Variants in TRIM33 observed in about 807,000 individuals in gnomAD.
TRIM33 encodes the protein E3 ubiquitin-protein ligase TRIM33.
A neutral mutation model predicts 125.4 loss-of-function variants in TRIM33; 20 were observed. That is an observed-to-expected ratio of 0.16 (90% CI 0.11 to 0.23). TRIM33 has a LOEUF of 0.23. Ranked by LOEUF, TRIM33 falls within the 10% of genes least tolerant of loss-of-function variation. The pLI is 1.00. For missense variants in TRIM33, 920 were observed against 1,411.4 expected (o/e 0.65, Z 5.58); for synonymous variants, 564 against 513.9 (o/e 1.10, Z -1.32).
intron 2 of TRIM33, among the ~76,000 whole-genome samples, chr1:114,464,041 C>T (rs1017512245): frequency 2.6e-5 from 4 of 152,098 alleles, no homozygotes; most frequent in African/African-American, 9.7e-5. Context: ...AGTGCTGCGA[C>T]AACAGGCGTG....
At chr1:114,498,757 C>A (rs1050277316) in intron 1 of TRIM33, among the ~76,000 whole-genome samples, 3 of 151,854 alleles carry the variant, frequency 2.0e-5, no homozygotes, top group Non-Finnish European at 4.4e-5. Flanking sequence ...AAAAAGACAG[C>A]GGAGAATATG....
intron 1 of TRIM33, among the ~76,000 whole-genome samples, chr1:114,495,086 G>C (rs971586474): frequency 3.9e-5 from 6 of 152,108 alleles, no homozygotes; most frequent in Admixed American, 3.9e-4. Context: ...GCTAATTTTT[G>C]TATTTTTAGG....
intron 11 of TRIM33, among the ~76,000 whole-genome samples, chr1:114,414,027 G>GCACACACACGCACACACACACA (rs1652768324): frequency 7.7e-6 from 1 of 130,588 alleles, no homozygotes; most frequent in East Asian, 2.3e-4. Flanking sequence ...TAAATCACAG[G>GCACACACACGCACACACACACA]CACACACACA....
At chr1:114,411,749 G>C (rs982996448) in intron 11 of TRIM33, among the ~76,000 whole-genome samples, 11 of 152,142 alleles carry the variant, frequency 7.2e-5, no homozygotes, top group Admixed American at 1.3e-4. Flanking sequence ...GGACATCCCT[G>C]ATGTCATTAT....
intron 4 of TRIM33, among the ~76,000 whole-genome samples, chr1:114,439,756 T>C (rs1397883006): frequency 6.6e-6 from 1 of 151,998 alleles, no homozygotes; most frequent in African/African-American, 2.4e-5. Flanking sequence ...ATTTCCAAAC[T>C]GTTTAAAACC....
intron 1 of TRIM33, chr1:114,490,962 TAG>T (rs1234616503): frequency 5.3e-5 from 8 of 152,326 alleles, no homozygotes; most frequent in Admixed American, 3.9e-4. Flanking sequence ...GGCAAATCTA[TAG>T]AGACAATAAA....
At chr1:114,475,971 G>A (rs1650953532) in intron 1 of TRIM33, among the ~76,000 whole-genome samples, 1 of 152,084 alleles carries the variant, frequency 6.6e-6, no homozygotes, top group African/African-American at 2.4e-5. Context: ...CTGCACTCCA[G>A]CCAGGGTGAC....
At chr1:114,407,421 A>T (rs1198172830) in intron 13 of TRIM33, among the ~76,000 whole-genome samples, 6 of 152,276 alleles carry the variant, frequency 3.9e-5, no homozygotes, top group African/African-American at 1.4e-4. Flanking sequence ...ACAATGAACA[A>T]TTCAGTAGCA....
rs567540037 is a variant in TRIM33, at chr1:114,459,732, C to T, written c.923+3372G>A. 5.3e-5 allele frequency among the ~76,000 whole-genome samples: 8 copies of T among 152,060 alleles called. No homozygotes were observed. The South Asian group carries it at 1.2e-3, about 24-fold the overall frequency. On this transcript the variant is annotated intron_variant, in intron 4 of 19. Coordinates refer to ENST00000358465, the MANE Select transcript of TRIM33 (RefSeq NM_015906.4). Reference sequence around the variant, plus strand: ...CAGCCTGAGCAACAGAGTGAGATCCCGTCTCTTCAAAAAATAAGAAAAATT... The same window carrying T: ...CAGCCTGAGCAACAGAGTGAGATCCTGTCTCTTCAAAAAATAAGAAAAATT...
rs1053043431 is a variant in TRIM33 at position 114,394,670 on chromosome 1, C to T, written c.*2978G>A. 4 of 201,678 alleles carry T rather than the reference C, an allele frequency of 2.0e-5. No homozygotes were observed. Among genetic ancestry groups the T allele is most frequent in the East Asian group, 7.6e-5 (1 of 13,206 alleles). The allele number at this position is 201,678 out of a possible 1,614,324, so 12.5% of individuals were successfully genotyped here. On this transcript the variant is annotated 3_prime_UTR_variant, in exon 20 of 20. Transcript: ENST00000358465. ...ATAATTTCAATAGTGGATCCAATGC[C>T]TTATCATTTCTCTGTAGTAATGGTT...
chr1:114,408,075 C>G (rs1652361864), intron 13 of TRIM33, among the ~76,000 whole-genome samples: 1 of 152,152 alleles, frequency 6.6e-6, no homozygotes, highest in African/African-American at 2.4e-5. Flanking sequence ...TCTTCTTGCT[C>G]TCCCTTCCCC....
intron 1 of TRIM33, among the ~76,000 whole-genome samples, chr1:114,497,473 G>A (rs1652440868): frequency 6.6e-6 from 1 of 151,664 alleles, no homozygotes; most frequent in Non-Finnish European, 1.5e-5. Flanking sequence ...ATTTTTTTTT[G>A]TATTTTTAGT....
rs1355411971 is a variant in TRIM33, at chr1:114,510,971, G to A, written c.106C>T (p.Pro36Ser). ...TCCACCAGCACCGCGGTGAGAGGCG[G>A]CTCCGCCTCCTGCGCGGCGGGCCCG... Reference protein sequence around the residue: ...AAGPAAQEAEPPLTAVLVEEE... With the variant: ...AAGPAAQEAESPLTAVLVEEE... Residue 36 changes from proline to serine, a missense_variant, in exon 1 of 20, where the codon CCG becomes TCG. By Grantham distance (74) the Pro-to-Ser change is moderately conservative. Coordinates refer to ENST00000358465, the MANE Select transcript of TRIM33 (RefSeq NM_015906.4). The A allele has an allele frequency of 1.5e-6, 2 of 1,367,184 alleles. No homozygotes were observed. The highest frequency in any genetic ancestry group is 3.1e-5 in the Admixed American group (1 of 32,766). 84.7% of individuals were successfully genotyped at this position (1,367,184 alleles called of 1,614,324 possible).
In TRIM33 at chr1:114,509,206, A is replaced by G. The variant is rs548690960; in HGVS notation, c.526+1345T>C. 2.8e-3 allele frequency among the ~76,000 whole-genome samples: 427 copies of G among 152,306 alleles called. 1 individual carries two copies. Among genetic ancestry groups the G allele is most frequent in the Non-Finnish European group, 5.1e-3 (350 of 68,034 alleles). Reference sequence around the variant, plus strand: ...GCCCTCCAGGAACATCCTTCAGTCCACAATGTCGAGGATACACTCTACAGG... The same window carrying G: ...GCCCTCCAGGAACATCCTTCAGTCCGCAATGTCGAGGATACACTCTACAGG... On this transcript the variant is annotated intron_variant, in intron 1 of 19. Coordinates refer to ENST00000358465, the MANE Select transcript of TRIM33 (RefSeq NM_015906.4).
intron 1 of TRIM33, among the ~76,000 whole-genome samples, chr1:114,464,676 A>T (rs755026160): frequency 2.0e-5 from 3 of 152,220 alleles, no homozygotes. Flanking sequence ...TTCGGAAACT[A>T]TGAATATTAA....
chr1:114,501,093 G>A lies in TRIM33; in HGVS notation c.526+9458C>T, dbSNP rs1367272574. ...TAGTCCCAGCTACTTGGGAGGCTGAGGCAGGAGAATGGCGTGAACCCGGGA... is the reference window on the plus strand; with the variant it reads ...TAGTCCCAGCTACTTGGGAGGCTGAAGCAGGAGAATGGCGTGAACCCGGGA... On this transcript the variant is annotated intron_variant, in intron 1 of 19. Transcript: ENST00000358465. 2.0e-5 allele frequency among the ~76,000 whole-genome samples: 2 copies of A among 99,294 alleles called. 1 individual carries two copies. The highest frequency in any genetic ancestry group is 4.3e-5 in the Non-Finnish European group (2 of 46,756). The allele number at this position is 99,294 out of a possible 152,430, so 65.1% of individuals were successfully genotyped here. A position where few individuals can be genotyped will look rare whatever the true frequency, so the allele number is the denominator to read the frequency against.
intron 1 of TRIM33, among the ~76,000 whole-genome samples, chr1:114,474,571 C>A (rs530943155): frequency 9.2e-6 from 1 of 108,868 alleles, no homozygotes; most frequent in South Asian, 3.4e-4. Context: ...AAGACCTTGT[C>A]TCTATTTAAA....
In TRIM33 at chr1:114,408,787, T is replaced by C. The variant is rs141081151; in HGVS notation, c.2195-47A>G. 1,546 of 1,283,266 alleles carry C rather than the reference T, an allele frequency of 1.2e-3. 12 individuals carry two copies. The African/African-American group carries it at 0.019, about 16-fold the overall frequency. The allele number at this position is 1,283,266 out of a possible 1,614,324, so 79.5% of individuals were successfully genotyped here. ...TGAATATCAATGCATATAAGAATAT[T>C]TGGAATTCTACCTACCGGTCACAGA... On this transcript the variant is annotated intron_variant, in intron 12 of 19. Coordinates refer to ENST00000358465, the MANE Select transcript of TRIM33 (RefSeq NM_015906.4).
At chr1:114,417,377 C>T (rs1213014612) in intron 11 of TRIM33, among the ~76,000 whole-genome samples, 1 of 152,170 alleles carries the variant, frequency 6.6e-6, no homozygotes, top group Non-Finnish European at 1.5e-5. Flanking sequence ...GTAGATGATA[C>T]TTGCCTCTCC....
Sources: gnomAD v4.1 joint callset for allele counts (sites outside exome capture counted in the v4.1 genomes callset) on GRCh38, gnomAD v4.1.1 for gene constraint, MANE v1.5 for transcripts, NCBI Gene and HGNC (gene_info 2026-07-23, HGNC 2026-07-21) for gene names.